The following PCBP3 variants were observed in gnomAD, a reference collection of about 807,000 sequenced individuals.
PCBP3 encodes poly(rC) binding protein 3, also known as poly(rC)-binding protein 3.
Under a neutral mutation model 52.7 loss-of-function variants are expected in PCBP3, and 25 were observed. The ratio of observed to expected loss-of-function variants is 0.47; its 90% CI spans 0.35 to 0.66. PCBP3 has a LOEUF of 0.66. Ranked by LOEUF, PCBP3 falls within the 30% of genes least tolerant of loss-of-function variation. The pLI is 0.01. For missense variants in PCBP3, 391 were observed against 490.3 expected (o/e 0.80, Z 1.91); for synonymous variants, 162 against 183.0 (o/e 0.89, Z 0.93).
At chr21:45,842,521 G>C (rs2093719735) in intron 4 of PCBP3, among the ~76,000 whole-genome samples, 1 of 152,278 alleles carries the variant, frequency 6.6e-6, no homozygotes, top group African/African-American at 2.4e-5. Flanking sequence ...GGGAATTCTA[G>C]CATCTCTGTT....
At chr21:45,826,467 C>G (rs2093311625) in intron 4 of PCBP3, among the ~76,000 whole-genome samples, 1 of 152,170 alleles carries the variant, frequency 6.6e-6, no homozygotes, top group South Asian at 2.1e-4. Flanking sequence ...TGATTTCACG[C>G]ATGCAAAATT....
At chr21:45,687,737 T>G in intron 2 of PCBP3, among the ~76,000 whole-genome samples, 1 of 143,842 alleles carries the variant, frequency 7.0e-6, no homozygotes, top group East Asian at 2.0e-4. Flanking sequence ...TTCTTTTTTG[T>G]TTTTTTTTTT....
intron 4 of PCBP3, among the ~76,000 whole-genome samples, chr21:45,810,289 G>A (rs1230990601): frequency 6.6e-6 from 1 of 151,320 alleles, no homozygotes; most frequent in Non-Finnish European, 1.5e-5. Flanking sequence ...GCCCAGGCTG[G>A]AGTGCAGTGG....
At chr21:45,723,721 G>A (rs542248708) in intron 2 of PCBP3, among the ~76,000 whole-genome samples, 8 of 152,326 alleles carry the variant, frequency 5.3e-5, no homozygotes, top group South Asian at 2.1e-4. Flanking sequence ...AGCACAGCCC[G>A]CACAACACGC....
At chr21:45,810,608 A>G (rs1212068829) in intron 4 of PCBP3, among the ~76,000 whole-genome samples, 4 of 152,130 alleles carry the variant, frequency 2.6e-5, no homozygotes, top group African/African-American at 4.8e-5. Flanking sequence ...ATGATTTTTT[A>G]TAGCTATGGT....
At chr21:45,866,825 C>T (rs1433970192) in intron 5 of PCBP3, among the ~76,000 whole-genome samples, 1 of 152,184 alleles carries the variant, frequency 6.6e-6, no homozygotes, top group Non-Finnish European at 1.5e-5. Context: ...GCCCACCCCA[C>T]CCCCGTCTGC....
intron 4 of PCBP3, among the ~76,000 whole-genome samples, chr21:45,826,613 G>A (rs73380618): frequency 0.022 from 3,415 of 152,190 alleles, 148 homozygotes; most frequent in African/African-American, 0.077. Flanking sequence ...TATAAAACAT[G>A]CATAAAAGAT....
chr21:45,836,348 C>G (rs2093588076), intron 4 of PCBP3: 1 of 152,332 alleles, frequency 6.6e-6, no homozygotes, highest in African/African-American at 2.4e-5. Flanking sequence ...CTGCGCCAGG[C>G]CTGTGTGTGC....
At chr21:45,702,109 G>T (rs2083163365) in intron 2 of PCBP3, among the ~76,000 whole-genome samples, 1 of 152,150 alleles carries the variant, frequency 6.6e-6, no homozygotes, top group Non-Finnish European at 1.5e-5. Flanking sequence ...AGATGTTCTT[G>T]TTAGATAGGG....
intron 4 of PCBP3, among the ~76,000 whole-genome samples, chr21:45,794,315 C>G (rs1356721208): frequency 2.6e-5 from 4 of 152,180 alleles, no homozygotes; most frequent in Non-Finnish European, 4.4e-5. Context: ...ACTCCAGAGG[C>G]TGAGGTGGGA....
Position 45,823,433 on chromosome 21 carries a change from C to T in PCBP3, c.-125-26528C>T, listed in dbSNP as rs1302639515. On this transcript the variant is annotated intron_variant, in intron 4 of 17. Coordinates refer to ENST00000681687, the MANE Select transcript of PCBP3 (RefSeq NM_001384156.1). Reference sequence around the variant, plus strand: ...TCTCTTCATGAGTGGAAAGTGCAGCCATTTAACCCCCTTGACCTCCCACCC... The same window carrying T: ...TCTCTTCATGAGTGGAAAGTGCAGCTATTTAACCCCCTTGACCTCCCACCC... Among the ~76,000 whole-genome samples the T allele has an allele frequency of 3.3e-5, 5 of 152,268 alleles. No individual in the cohort carries two copies. The East Asian group carries it at 5.8e-4, about 18-fold the overall frequency.
At chr21:45,722,810 G>T (rs1381850159) in intron 2 of PCBP3, among the ~76,000 whole-genome samples, 1 of 151,828 alleles carries the variant, frequency 6.6e-6, no homozygotes. Context: ...AGACCATCCT[G>T]GCTAACAACG....
Position 45,791,083 on chromosome 21 carries a change from G to A in PCBP3, c.-126+35631G>A, listed in dbSNP as rs1322166415. Among the ~76,000 whole-genome samples the A allele has an allele frequency of 6.6e-6, 1 of 152,112 alleles. No homozygotes were observed. The highest frequency in any genetic ancestry group is 1.5e-5 in the Non-Finnish European group (1 of 68,016). ...CAGTAGAGGGGCTGGCTGGCCCACC[G>A]AGGCCAGCATCTTGCAGTGGCGAAG... On this transcript the variant is annotated intron_variant, in intron 4 of 17. Coordinates refer to ENST00000681687, the MANE Select transcript of PCBP3 (RefSeq NM_001384156.1). The surrounding 1 kb of genome is among the most constrained non-coding windows in gnomAD (Gnocchi z 4.2).
chr21:45,942,020 T>C lies in PCBP3; in HGVS notation c.*314T>C, dbSNP rs1262699414. 3.2e-6 allele frequency: 1 copy of C among 316,830 alleles called. No individual in the cohort carries two copies. The highest frequency in any genetic ancestry group is 5.8e-6 in the Non-Finnish European group (1 of 173,632). The allele number at this position is 316,830 out of a possible 1,614,324, so 19.6% of individuals were successfully genotyped here. A position where few individuals can be genotyped will look rare whatever the true frequency, so the allele number is the denominator to read the frequency against. On this transcript the variant is annotated 3_prime_UTR_variant, in exon 18 of 18. Coordinates refer to ENST00000681687, the MANE Select transcript of PCBP3 (RefSeq NM_001384156.1). ...TTGGTGTCAGCGTAGCTGTCTGTCT[T>C]AGGAGCTGGGTCGGCGTTCCGACAG...
intron 4 of PCBP3, among the ~76,000 whole-genome samples, chr21:45,845,501 C>T (rs1293969339): frequency 6.6e-6 from 1 of 151,072 alleles, no homozygotes; most frequent in African/African-American, 2.4e-5. Context: ...CTTAAGCACC[C>T]GCGTGTACAC....
intron 4 of PCBP3, among the ~76,000 whole-genome samples, chr21:45,786,133 A>AAAT (rs1569221280): frequency 4.7e-4 from 70 of 147,894 alleles, no homozygotes; most frequent in Non-Finnish European, 3.4e-4. Context: ...GATCAATAAA[A>AAAT]AAATAAATAA....
intron 4 of PCBP3, among the ~76,000 whole-genome samples, chr21:45,765,278 G>C (rs1204760022): frequency 6.6e-6 from 1 of 152,304 alleles, no homozygotes; most frequent in East Asian, 1.9e-4. Flanking sequence ...GGCCAGGCTG[G>C]GGCCTGGGAA....
At chr21:45,782,639 T>G (rs2090727557) in intron 4 of PCBP3, among the ~76,000 whole-genome samples, 1 of 152,064 alleles carries the variant, frequency 6.6e-6, no homozygotes, top group Non-Finnish European at 1.5e-5. Context: ...AGATCAGAGA[T>G]TTTTCTAAAG....
intron 1 of PCBP3, among the ~76,000 whole-genome samples, chr21:45,668,617 T>G (rs2080961352): frequency 6.6e-6 from 1 of 152,038 alleles, no homozygotes; most frequent in Non-Finnish European, 1.5e-5. Context: ...TATTACAAAA[T>G]TTATGTTCTT....
Sources: gnomAD v4.1 joint callset for allele counts (sites outside exome capture counted in the v4.1 genomes callset) on GRCh38, gnomAD v4.1.1 for gene constraint, Gnocchi (gnomAD v3.1) non-coding constraint, MANE v1.5 for transcripts, NCBI Gene and HGNC (gene_info 2026-07-23, HGNC 2026-07-21) for gene names.